The following ITPR2 variants were observed in gnomAD, a reference collection of about 807,000 sequenced individuals.
ITPR2 encodes the protein inositol 1,4,5-trisphosphate receptor type 2.
A neutral mutation model predicts 317.1 loss-of-function variants in ITPR2; 207 were observed. That is an observed-to-expected ratio of 0.65 (90% CI 0.58 to 0.73). ITPR2 has a LOEUF of 0.73. ITPR2 is among the 30% of genes least tolerant of loss of function. The probability of loss-of-function intolerance (pLI) is 0.00; values close to 1 mark genes in which losing one functional copy is unlikely to be tolerated. For synonymous variants in ITPR2, 1,156 were observed against 1,149.1 expected, an observed-to-expected ratio of 1.01 and a Z score of -0.12; for missense variants, 2,613 against 3,284.0, an observed-to-expected ratio of 0.80 and a Z score of 4.99.
At chr12:26,786,449 TAAAAA>T (rs59014121) in intron 2 of ITPR2, among the ~76,000 whole-genome samples, 53 of 119,216 alleles carry the variant, frequency 4.4e-4, no homozygotes, top group African/African-American at 6.3e-4. Context: ...GAATGATCAA[TAAAAA>T]AAAAAAAAAA....
Position 26,778,710 on chromosome 12 carries a change from A to C in ITPR2, c.163+11447T>G, listed in dbSNP as rs185213138. ...ATCACACTGGTCCATTACATTGATG[A>C]CACTATGTTGACTGGATCCAGTGAG... On this transcript the variant is annotated intron_variant, in intron 2 of 56. Coordinates refer to ENST00000381340, the MANE Select transcript of ITPR2 (RefSeq NM_002223.4). Among the ~76,000 whole-genome samples the C allele has an allele frequency of 2.3e-4, 35 of 152,338 alleles. 1 individual carries two copies. In the East Asian group the frequency reaches 5.2e-3, roughly 23 times the overall value.
chr12:26,657,929 A>T (rs753615561), intron 17 of ITPR2, 37 bp from the exon 18 acceptor site: 13 of 1,607,676 alleles, frequency 8.1e-6, no homozygotes, highest in Non-Finnish European at 1.1e-5. Flanking sequence ...TCTACTAAAA[A>T]GTACACTTGT....
chr12:26,516,618 A>G (rs759661326), intron 37 of ITPR2, among the ~76,000 whole-genome samples: 2 of 151,402 alleles, frequency 1.3e-5, no homozygotes, highest in African/African-American at 2.5e-5. Flanking sequence ...AAATCATTAT[A>G]AAAAAATTTT....
At chr12:26,661,275 T>TGG (rs34833740) in intron 15 of ITPR2, among the ~76,000 whole-genome samples, 7 of 8,968 alleles carry the variant, frequency 7.8e-4, no homozygotes, top group South Asian at 3.6e-3. Context: ...GGTGTGTGTG[T>TGG]GGGGGGGGGG....
At chr12:26,799,008 C>T (rs1950506908) in intron 1 of ITPR2, among the ~76,000 whole-genome samples, 1 of 152,162 alleles carries the variant, frequency 6.6e-6, no homozygotes. Context: ...ATAAATTTAG[C>T]ATTATCTCCT....
At chr12:26,497,206 T>A (rs890018799) in intron 37 of ITPR2, among the ~76,000 whole-genome samples, 8 of 147,118 alleles carry the variant, frequency 5.4e-5, no homozygotes, top group Non-Finnish European at 1.0e-4. Context: ...CAGGCTGGAG[T>A]GCAGTGGCAC....
chr12:26,695,652 T>C lies in ITPR2; in HGVS notation c.952-2A>G. On this transcript the variant is annotated splice_acceptor_variant, in intron 9 of 56. Coordinates refer to ENST00000381340, the MANE Select transcript of ITPR2 (RefSeq NM_002223.4). LOFTEE classifies it high-confidence loss of function. ...GGCATCTCGATAATCAGGATTAAGC[T>C]AGAAAAACAAAGGAAAATTTAGTTT... is the stretch of plus-strand genomic sequence containing the variant. 13 of 1,611,620 alleles carry C rather than the reference T, an allele frequency of 8.1e-6. No homozygotes were observed. Among genetic ancestry groups the C allele is most frequent in the Non-Finnish European group, 1.1e-5 (13 of 1,178,024 alleles).
At chr12:26,718,220 A>G (rs1034122972) in intron 5 of ITPR2, among the ~76,000 whole-genome samples, 2 of 151,736 alleles carry the variant, frequency 1.3e-5, no homozygotes, top group African/African-American at 2.4e-5. Context: ...ACCCCCTGAC[A>G]GGCTCTGGTG....
intron 34 of ITPR2, among the ~76,000 whole-genome samples, chr12:26,575,239 T>C (rs1160440800): frequency 6.7e-6 from 1 of 149,194 alleles, no homozygotes; most frequent in African/African-American, 2.5e-5. Context: ...CAAAGGGATG[T>C]TGCTGAAGGT....
intron 2 of ITPR2, among the ~76,000 whole-genome samples, chr12:26,726,955 A>T (rs1948938493): frequency 6.6e-6 from 1 of 152,176 alleles, no homozygotes; most frequent in African/African-American, 2.4e-5. Context: ...ACAAGGTAAT[A>T]GTAAACTAAT....
intron 5 of ITPR2, 141 bp from the exon 6 acceptor site, chr12:26,716,383 T>C: frequency 1.7e-6 from 1 of 586,528 alleles, no homozygotes; most frequent in South Asian, 2.1e-5. Context: ...TTTCATACAA[T>C]CCTTTTTCTC....
intron 1 of ITPR2, among the ~76,000 whole-genome samples, chr12:26,811,968 C>A (rs989640052): frequency 2.0e-4 from 30 of 151,462 alleles, no homozygotes; most frequent in African/African-American, 7.3e-4. Context: ...TCAAGACCAG[C>A]CTGGCCAACA....
chr12:26,772,491 C>CATGTCTTATATATATAATAT (rs3064583), intron 2 of ITPR2, among the ~76,000 whole-genome samples: 1 of 100,506 alleles, frequency 9.9e-6, no homozygotes, highest in Non-Finnish European at 2.1e-5. Context: ...ATATATAATA[C>CATGTCTTATATATATAATAT]ATATAATACA....
chr12:26,424,586 GT>G (rs775756580), intron 49 of ITPR2, among the ~76,000 whole-genome samples: 128 of 88,720 alleles, frequency 1.4e-3, no homozygotes, highest in East Asian at 8.2e-3. Flanking sequence ...TTCGTTTTGT[GT>G]TTTTTTTTTT....
At chr12:26,342,456 T>G (rs7295734) in intron 55 of ITPR2, among the ~76,000 whole-genome samples, 135,553 of 139,086 alleles carry the variant, frequency 0.97, 66,127 homozygotes, top group Non-Finnish European at 1. Context: ...GATCTCCAGT[T>G]TTGGAAGTGG....
chr12:26,413,184 G>A (rs1309816506), intron 51 of ITPR2, among the ~76,000 whole-genome samples: 1 of 152,202 alleles, frequency 6.6e-6, no homozygotes, highest in Non-Finnish European at 1.5e-5. Flanking sequence ...TCAAGTGGCA[G>A]CTACTTCATC....
At chr12:26,496,170 T>C (rs1366125610) in intron 37 of ITPR2, among the ~76,000 whole-genome samples, 3 of 152,224 alleles carry the variant, frequency 2.0e-5, no homozygotes, top group Non-Finnish European at 4.4e-5. Flanking sequence ...TTAACATAAC[T>C]ACAGAGGTGT....
intron 55 of ITPR2, among the ~76,000 whole-genome samples, chr12:26,344,307 T>C (rs917066724): frequency 6.6e-6 from 1 of 152,016 alleles, no homozygotes; most frequent in Non-Finnish European, 1.5e-5. Flanking sequence ...TTTCAACATA[T>C]AACAGCACAA....
chr12:26,448,378 A>T (rs937744990), intron 45 of ITPR2, among the ~76,000 whole-genome samples: 1 of 151,926 alleles, frequency 6.6e-6, no homozygotes, highest in African/African-American at 2.4e-5. Flanking sequence ...ATGGGGGGGA[A>T]ATCTCTGGGT....
Sources: gnomAD v4.1 joint callset for allele counts (sites outside exome capture counted in the v4.1 genomes callset) on GRCh38, gnomAD v4.1.1 for gene constraint, MANE v1.5 for transcripts, NCBI Gene and HGNC (gene_info 2026-07-23, HGNC 2026-07-21) for gene names.